The following PEG3 variants were observed in gnomAD, a reference collection of about 807,000 sequenced individuals.
The protein encoded by PEG3 is paternally-expressed gene 3 protein.
PEG3 carries 23 observed loss-of-function variants against 35.5 expected under a neutral mutation model. That is an observed-to-expected ratio of 0.65 (90% confidence interval 0.47 to 0.92). The LOEUF (loss-of-function observed/expected upper bound fraction) is 0.92, where lower values mean the gene tolerates loss of function less well. PEG3 is among the 40% of genes least tolerant of loss of function. PEG3 has a pLI of 0.00. For synonymous variants in PEG3, 707 were observed against 697.0 expected (o/e 1.01, Z -0.23); for missense variants, 1,960 against 1,985.3 (o/e 0.99, Z 0.24).
Position 56,817,287 on chromosome 19 carries a change from C to T in PEG3, c.1155G>A (p.Lys385=), listed in dbSNP as rs1354200481. The part of the protein sequence containing the change: ...FRFNSTLVSR[K]RVLERKRRYH... ...AGCGCCTCTTTCTTTCAAGAACTCT[C>T]TTTCTGGAAACAAGGGTTGAATTAA... The change falls in exon 10 of 10, where the codon AAG becomes AAA. Residue 385 remains lysine (K), a synonymous_variant. Coordinates refer to ENST00000326441, the MANE Select transcript of PEG3 (RefSeq NM_006210.3). The T allele has an allele frequency of 4.3e-6, 7 of 1,614,198 alleles. No homozygotes were observed. The highest frequency in any genetic ancestry group is 5.9e-6 in the Non-Finnish European group (7 of 1,180,034).
intron 2 of PEG3, among the ~76,000 whole-genome samples, chr19:56,828,307 C>T (rs929306072): frequency 6.6e-6 from 1 of 152,202 alleles, no homozygotes; most frequent in Non-Finnish European, 1.5e-5. Flanking sequence ...CCAATAAATA[C>T]TTATGATATT....
In PEG3 at chr19:56,815,143, T is replaced by G. The variant is rs1317905761; in HGVS notation, c.3299A>C (p.Asp1100Ala). ...TTCATAGATTTTGTCATCAGGGTCA[T>G]CCTTCTGAGGGTCTTCCATGTCTGA... ...QGSDMEDPQK[D>A]DPDDKIYECE... is the part of the protein sequence containing the mutation. Residue 1100 changes from aspartate (D) to alanine (A), a missense_variant, in exon 10 of 10, where the codon GAT becomes GCT. Asp to Ala is a moderately radical substitution (Grantham distance 126). Transcript: ENST00000326441. The G allele has an allele frequency of 6.2e-7, 1 of 1,613,972 alleles. No homozygotes were observed. The highest frequency in any genetic ancestry group is 1.7e-5 in the Admixed American group (1 of 60,026).
intron 1 of PEG3, among the ~76,000 whole-genome samples, chr19:56,837,722 G>A (rs111855323): frequency 3.3e-5 from 5 of 152,352 alleles, no homozygotes; most frequent in African/African-American, 1.2e-4. Flanking sequence ...GGCACAGAAT[G>A]AATGAACACG....
chr19:56,817,884 A>G, intron 8 of PEG3, 49 bp from the exon 9 acceptor site: 5 of 1,423,986 alleles, frequency 3.5e-6, no homozygotes, highest in Non-Finnish European at 4.9e-6. Flanking sequence ...GTTGAGGACC[A>G]AGACTCATCA....
chr19:56,824,599 A>T lies in PEG3; in HGVS notation c.57T>A (p.Asn19Lys). The change falls in exon 4 of 10, where the codon AAT becomes AAA. Residue 19 changes from asparagine to lysine, a missense_variant. Physicochemically the swap from Asn to Lys is moderately conservative, Grantham distance 94. Coordinates refer to ENST00000326441, the MANE Select transcript of PEG3 (RefSeq NM_006210.3). ...TCAAGTCACTGTCTAGCTCATACAG[A>T]TTTGGGGCCCAGGACTTCTTAGGTT... is the stretch of plus-strand genomic sequence containing the variant. ...ATKPKKSWAP[N>K]LYELDSDLTK... The T allele has an allele frequency of 6.2e-7, 1 of 1,612,950 alleles. No individual in the cohort carries two copies. Among genetic ancestry groups the T allele is most frequent in the Non-Finnish European group, 8.5e-7 (1 of 1,179,084 alleles).
chr19:56,822,635 G>A (rs1220669150), intron 6 of PEG3, 118 bp downstream of exon 6: 1 of 1,396,898 alleles, frequency 7.2e-7, no homozygotes, highest in African/African-American at 1.4e-5. Context: ...TTTTGGGGAA[G>A]CGGAATATAC....
At position 56,814,381 on chromosome 19, in the gene PEG3, T is replaced by G. The variant is rs1316597176; in HGVS notation, c.4061A>C (p.His1354Pro). 4.3e-6 allele frequency: 7 copies of G among 1,612,846 alleles called. No homozygotes were observed. Among genetic ancestry groups the G allele is most frequent in the South Asian group, 1.1e-5 (1 of 91,074 alleles). The change falls in exon 10 of 10, where the codon CAT (histidine) becomes CCT (proline). Residue 1354 changes from histidine (H) to proline (P), a missense_variant. His to Pro is a moderately conservative substitution (Grantham distance 77, BLOSUM62 -2). This residue lies in a region of PEG3 where 416 missense variants were observed against 416.7 expected (regional missense o/e 1.00). Coordinates refer to ENST00000326441, the MANE Select transcript of PEG3 (RefSeq NM_006210.3). The surrounding 1 kb of genome is among the most constrained non-coding windows in gnomAD (Gnocchi z 5.8). ...STVLTKHKELHLEEEEEDEAA... is the reference protein window; with the variant it reads ...STVLTKHKELPLEEEEEDEAA... ...TTCATCTTCTTCTTCTTCTTCCAGATGAAGCTCCTTATGTTTAGTGAGGAC... is the reference window on the plus strand; with the variant it reads ...TTCATCTTCTTCTTCTTCTTCCAGAGGAAGCTCCTTATGTTTAGTGAGGAC...
At chr19:56,834,642 C>T (rs2061899855) in intron 2 of PEG3, among the ~76,000 whole-genome samples, 1 of 152,114 alleles carries the variant, frequency 6.6e-6, no homozygotes, top group South Asian at 2.1e-4. Flanking sequence ...CCAACATGAG[C>T]CCTCGGGCAA....
At chr19:56,828,402 C>T (rs1490415927) in intron 2 of PEG3, among the ~76,000 whole-genome samples, 1 of 152,176 alleles carries the variant, frequency 6.6e-6, no homozygotes, top group Non-Finnish European at 1.5e-5. Flanking sequence ...CTTGGCAATT[C>T]CACTTCTGAA....
chr19:56,823,567 G>A, intron 5 of PEG3, 26 bp downstream of exon 5: 1 of 1,613,306 alleles, frequency 6.2e-7, no homozygotes, highest in Non-Finnish European at 8.5e-7. Flanking sequence ...GCCCATGGGT[G>A]ACCAGTGGGG....
chr19:56,820,999 C>A (rs941919330), intron 7 of PEG3, among the ~76,000 whole-genome samples: 10 of 152,224 alleles, frequency 6.6e-5, no homozygotes, highest in Admixed American at 4.6e-4. Flanking sequence ...AAAACAAGCT[C>A]AAGTTCCACA....
In PEG3 at chr19:56,811,573, G is replaced by T. The variant is rs1450285293; in HGVS notation, c.*2102C>A. 2 of 985,156 alleles carry T rather than the reference G, an allele frequency of 2.0e-6. No homozygotes were observed. Among genetic ancestry groups the T allele is most frequent in the African/African-American group, 3.5e-5 (2 of 57,208 alleles). 61.0% of individuals were successfully genotyped at this position (985,156 alleles called of 1,614,324 possible). On this transcript the variant is annotated 3_prime_UTR_variant, in exon 10 of 10. Transcript: ENST00000326441. ...GTTGGAACGGACACCCTGACTTACAGCAAGTTGCTTTCTGAAAAGGGGCTA... is the reference window on the plus strand; with the variant it reads ...GTTGGAACGGACACCCTGACTTACATCAAGTTGCTTTCTGAAAAGGGGCTA...
rs1436828168 is a variant in PEG3, at chr19:56,824,179, C to T, written c.394+83G>A. On this transcript the variant is annotated intron_variant, in intron 4 of 9. Coordinates refer to ENST00000326441, the MANE Select transcript of PEG3 (RefSeq NM_006210.3). Reference sequence around the variant, plus strand: ...AGGACAGAGAGTTATCCAGTCCAGACCATGTCAGAAGTGTGGAGGCTGAGA... The same window carrying T: ...AGGACAGAGAGTTATCCAGTCCAGATCATGTCAGAAGTGTGGAGGCTGAGA... 6 of 1,552,342 alleles carry T rather than the reference C, an allele frequency of 3.9e-6. No homozygotes were observed. In the South Asian group the frequency reaches 4.9e-5, roughly 13 times the overall value.
intron 7 of PEG3, 44 bp from the exon 8 acceptor site, chr19:56,818,746 C>A: frequency 6.3e-7 from 1 of 1,598,080 alleles, no homozygotes; most frequent in South Asian, 1.1e-5. Context: ...CTGTCCCCAC[C>A]GATGTTCAAA....
rs1445970877 is a variant in PEG3 at position 56,818,610 on chromosome 19, C to A, written c.762G>T (p.Leu254=). 1.2e-6 allele frequency: 2 copies of A among 1,613,976 alleles called. No homozygotes were observed. Among genetic ancestry groups the A allele is most frequent in the East Asian group, 2.2e-5 (1 of 44,886 alleles). The part of the protein sequence containing the change: ...IQDNMENYRK[L]LSLVQLAEDD... ...GAAGCAGCTGCTTACCGAGGGAGAG[C>A]AGCTTCCTGTAGTTTTCCATGTTGT... Residue 254 remains leucine (L), a synonymous_variant, in exon 8 of 10, where the codon CTG becomes CTT. Coordinates refer to ENST00000326441, the MANE Select transcript of PEG3 (RefSeq NM_006210.3).
chr19:56,817,632 T>C lies in PEG3; in HGVS notation c.863-53A>G. Reference sequence around the variant, plus strand: ...TCCCTAGTCCCCATAAGAAGGACAGTGGGACTTGGAGGGGTGCACCCTTCT... The same window carrying C: ...TCCCTAGTCCCCATAAGAAGGACAGCGGGACTTGGAGGGGTGCACCCTTCT... On this transcript the variant is annotated intron_variant, in intron 9 of 9. Coordinates refer to ENST00000326441, the MANE Select transcript of PEG3 (RefSeq NM_006210.3). 2.6e-6 allele frequency: 4 copies of C among 1,533,278 alleles called. No individual in the cohort carries two copies. The Middle Eastern group carries it at 5.2e-4, about 199-fold the overall frequency. The allele number at this position is 1,533,278 out of a possible 1,614,324, so 95.0% of individuals were successfully genotyped here.
chr19:56,817,233 C>T lies in PEG3; in HGVS notation c.1209G>A (p.Ser403=), dbSNP rs751816891. 6.8e-6 allele frequency: 11 copies of T among 1,613,928 alleles called. No individual in the cohort carries two copies. The highest frequency in any genetic ancestry group is 5.3e-5 in the African/African-American group (4 of 74,912). The change falls in exon 10 of 10, where the codon TCG becomes TCA. Residue 403 remains serine (S), a synonymous_variant. Coordinates refer to ENST00000326441, the MANE Select transcript of PEG3 (RefSeq NM_006210.3). ...TGGGACAGCCTTTTTGATCGTGAAT[C>T]GAGCCCTTCCCATCTGTGTCAAAAT... The part of the protein sequence containing the change: ...RYHFDTDGKG[S]IHDQKGCPRK...
At chr19:56,833,385 T>A in intron 2 of PEG3, 1 of 349,992 alleles carries the variant, frequency 2.9e-6, no homozygotes, top group Non-Finnish European at 5.6e-6. Context: ...TGTGGTCTCG[T>A]CTCTCTTCTT....
rs1336848979 is a variant in PEG3 at position 56,816,345 on chromosome 19, C to A, written c.2097G>T (p.Glu699Asp). 6.2e-7 allele frequency: 1 copy of A among 1,614,180 alleles called. No individual in the cohort carries two copies. Among genetic ancestry groups the A allele is most frequent in the Admixed American group, 1.7e-5 (1 of 60,020 alleles). Residue 699 changes from glutamate (E) to aspartate (D), a missense_variant, in exon 10 of 10, where the codon GAG becomes GAT. By Grantham distance (45) the Glu-to-Asp change is conservative (BLOSUM62 2). This residue lies in a region of PEG3 where 798 missense variants were observed against 782.4 expected (regional missense o/e 1.02). Transcript: ENST00000326441. ...DGRDAFMQSS[E>D]LSEHQKIHSR... Reference sequence around the variant, plus strand: ...AATGAATTTTCTGATGCTCACTGAGCTCTGAGCTTTGCATGAAGGCATCCC... The same window carrying A: ...AATGAATTTTCTGATGCTCACTGAGATCTGAGCTTTGCATGAAGGCATCCC...
Sources: allele counts gnomAD v4.1 joint callset (sites outside exome capture counted in the v4.1 genomes callset), GRCh38; gene constraint gnomAD v4.1.1; regional missense constraint gnomAD v4.1.1; non-coding constraint Gnocchi (gnomAD v3.1); transcripts MANE v1.5; gene names NCBI Gene and HGNC (gene_info 2026-07-23, HGNC 2026-07-21).